The following FOXP2 variants were observed in gnomAD, a reference collection of about 807,000 sequenced individuals.
The protein encoded by FOXP2 is forkhead box protein P2.
In FOXP2, 12 loss-of-function variants were observed where a neutral mutation model predicts 115.8. The ratio of observed to expected loss-of-function variants is 0.10; its 90% CI spans 0.07 to 0.17. The LOEUF is 0.17. Ranked by LOEUF, FOXP2 falls within the 10% of genes least tolerant of loss-of-function variation. The pLI is 1.00. For missense variants in FOXP2, 629 were observed against 843.5 expected (o/e 0.75, Z 3.15); for synonymous variants, 328 against 297.7 (o/e 1.10, Z -1.05).
upstream of FOXP2, among the ~76,000 whole-genome samples, chr7:114,413,605 CA>C (rs1043663310): frequency 6.6e-6 from 1 of 152,056 alleles, no homozygotes; most frequent in South Asian, 2.1e-4. Flanking sequence ...CAGTTCCTTT[CA>C]GGGGAGGTGG....
At chr7:114,449,646 G>A (rs928924914) in intron 2 of FOXP2, among the ~76,000 whole-genome samples, 1 of 151,990 alleles carries the variant, frequency 6.6e-6, no homozygotes, top group African/African-American at 2.4e-5. Context: ...CAGTATTCCA[G>A]CATAGAATGC....
At chr7:114,272,000 T>C (rs1244234460) in intron 1 of FOXP2, among the ~76,000 whole-genome samples, 6 of 135,980 alleles carry the variant, frequency 4.4e-5, no homozygotes, top group Non-Finnish European at 7.7e-5. Flanking sequence ...ATATAATATG[T>C]AATATTATAA....
At chr7:114,233,041 G>A (rs1288383498) in intron 1 of FOXP2, among the ~76,000 whole-genome samples, 1 of 152,110 alleles carries the variant, frequency 6.6e-6, no homozygotes, top group Non-Finnish European at 1.5e-5. Flanking sequence ...TCCGTTCAAT[G>A]GATAGCCTTT....
intron 1 of FOXP2, among the ~76,000 whole-genome samples, chr7:114,170,059 C>T (rs919907087): frequency 2.1e-4 from 32 of 152,140 alleles, no homozygotes; most frequent in African/African-American, 6.5e-4. Context: ...AGCATGAAAA[C>T]GGACTAATAT....
chr7:114,116,474 T>A (rs1791411055), intron 1 of FOXP2, among the ~76,000 whole-genome samples: 1 of 152,196 alleles, frequency 6.6e-6, no homozygotes, highest in Non-Finnish European at 1.5e-5. Context: ...AGAATTGTAT[T>A]ACATTTAGAA....
chr7:114,113,644 C>T (rs1007514020), intron 1 of FOXP2, among the ~76,000 whole-genome samples: 1 of 152,014 alleles, frequency 6.6e-6, no homozygotes, highest in Non-Finnish European at 1.5e-5. Flanking sequence ...CCCAGGACAA[C>T]AGGTGTGTAC....
intron 1 of FOXP2, among the ~76,000 whole-genome samples, chr7:114,283,402 C>T (rs759637487): frequency 4.6e-5 from 7 of 152,022 alleles, no homozygotes; most frequent in Admixed American, 2.0e-4. Flanking sequence ...ATGAAATTCA[C>T]CAGGCTAAGG....
chr7:114,514,049 C>T (rs984815287), intron 2 of FOXP2, among the ~76,000 whole-genome samples: 1 of 151,122 alleles, frequency 6.6e-6, no homozygotes, highest in African/African-American at 2.4e-5. Flanking sequence ...CTATATATCA[C>T]TAACATTTTT....
At chr7:114,273,150 C>G (rs896476791) in intron 1 of FOXP2, among the ~76,000 whole-genome samples, 1 of 151,886 alleles carries the variant, frequency 6.6e-6, no homozygotes, top group East Asian at 1.9e-4. Flanking sequence ...TTCATTTTCT[C>G]TATGTTCAGA....
chr7:114,187,794 T>G (rs191978527), intron 1 of FOXP2, among the ~76,000 whole-genome samples: 72 of 152,266 alleles, frequency 4.7e-4, no homozygotes, highest in African/African-American at 1.6e-3. Flanking sequence ...GAATAGAAAT[T>G]TATTGACTCA....
intron 1 of FOXP2, among the ~76,000 whole-genome samples, chr7:114,251,994 G>T (rs1454739496): frequency 6.6e-6 from 1 of 152,150 alleles, no homozygotes; most frequent in Non-Finnish European, 1.5e-5. Context: ...AGCGTTTTTA[G>T]CATGAAGGGT....
chr7:114,086,648 T>G (rs565152615), upstream of FOXP2: 8 of 369,498 alleles, frequency 2.2e-5, no homozygotes, highest in South Asian at 1.5e-4. Flanking sequence ...GCGCTACACC[T>G]CCGCACCCCA....
intron 1 of FOXP2, among the ~76,000 whole-genome samples, chr7:114,148,591 C>G (rs1792445590): frequency 6.6e-6 from 1 of 152,130 alleles, no homozygotes; most frequent in Non-Finnish European, 1.5e-5. Context: ...TAGATACTTG[C>G]TCTCTTGAGA....
At chr7:114,221,555 C>A (rs1349790248) in intron 1 of FOXP2, among the ~76,000 whole-genome samples, 4 of 152,068 alleles carry the variant, frequency 2.6e-5, no homozygotes. Flanking sequence ...TTCTGTTTAT[C>A]CATTACCCCC....
chr7:114,204,331 AT>A (rs1280243997), intron 1 of FOXP2, among the ~76,000 whole-genome samples: 1 of 152,138 alleles, frequency 6.6e-6, no homozygotes, highest in Non-Finnish European at 1.5e-5. Context: ...TATAGTTGAC[AT>A]TTGTAGCTCA....
intron 3 of FOXP2, among the ~76,000 whole-genome samples, chr7:114,592,150 C>A (rs1411607787): frequency 6.6e-6 from 1 of 151,942 alleles, no homozygotes; most frequent in African/African-American, 2.4e-5. Context: ...ATTAAAAATG[C>A]TTTTCAAATT....
intron 1 of FOXP2, among the ~76,000 whole-genome samples, chr7:114,251,005 T>G (rs967545107): frequency 6.6e-6 from 1 of 152,242 alleles, no homozygotes; most frequent in Non-Finnish European, 1.5e-5. Context: ...AGTTTCAGCT[T>G]TCTACATATG....
chr7:114,257,569 TCAGCCTCCCGAGTA>T (rs1795652555), intron 1 of FOXP2, among the ~76,000 whole-genome samples: 1 of 149,606 alleles, frequency 6.7e-6, no homozygotes, highest in Non-Finnish European at 1.5e-5. Context: ...TTCTCCTGCC[TCAGCCTCCCGAGTA>T]GCTGGCATTA....
At chr7:114,306,423 G>A (rs1562863551) in intron 2 of FOXP2, among the ~76,000 whole-genome samples, 1 of 152,126 alleles carries the variant, frequency 6.6e-6, no homozygotes, top group African/African-American at 2.4e-5. Flanking sequence ...CAATAAGCAA[G>A]CCTGCTCTTT....
Sources: allele counts gnomAD v4.1 joint callset (sites outside exome capture counted in the v4.1 genomes callset), GRCh38; gene constraint gnomAD v4.1.1; transcripts MANE v1.5; gene names NCBI Gene and HGNC (gene_info 2026-07-23, HGNC 2026-07-21).